TMCO6: variants seen among roughly 807,000 people sequenced by gnomAD.
The protein encoded by TMCO6 is transmembrane and coiled-coil domain-containing protein 6.
In TMCO6, 47 loss-of-function variants were observed where a neutral mutation model predicts 61.8. The ratio of observed to expected loss-of-function variants is 0.76; its 90% confidence interval spans 0.60 to 0.97. The LOEUF is 0.97. TMCO6 is among the 50% of genes least tolerant of loss of function. The pLI is 0.00. For synonymous variants in TMCO6, 261 were observed against 254.2 expected (o/e 1.03, Z -0.25); for missense variants, 557 against 601.6 (o/e 0.93, Z 0.78).
At chr5:140,612,897 A>G in the TMCO6 span, among the ~76,000 whole-genome samples, 2 of 152,234 alleles carry the variant, frequency 1.3e-5, no homozygotes, top group Non-Finnish European at 2.9e-5. Context: ...CTCTTCAATC[A>G]ATCAAATCAG....
rs956292583 is a variant in TMCO6 at position 140,639,562 on chromosome 5, C to A, written c.35C>A (p.Thr12Lys). 7 of 1,548,562 alleles carry A rather than the reference C, an allele frequency of 4.5e-6. No individual in the cohort carries two copies. The South Asian group carries it at 6.0e-5, about 13-fold the overall frequency. The change falls in exon 1 of 12, where the codon ACG becomes AAG. Residue 12 changes from threonine to lysine, a missense_variant. Transcript: ENST00000394671. Reference sequence around the variant, plus strand: ...CGACGGCAGGGCCGCCTCAGGCCCACGGTCTGCGGGGTGGAGGAGCTACGG... The same window carrying A: ...CGACGGCAGGGCCGCCTCAGGCCCAAGGTCTGCGGGGTGGAGGAGCTACGG... The part of the protein sequence containing the change: ...WSRRQGRLRP[T>K]VCGVEELRRR...
chr5:140,599,817 CT>C, the TMCO6 span, among the ~76,000 whole-genome samples: 1 of 152,252 alleles, frequency 6.6e-6, no homozygotes, highest in East Asian at 1.9e-4. Flanking sequence ...AGGAGAATCG[CT>C]GGAACCTGGG....
In TMCO6 at chr5:140,641,886, C is replaced by T. The variant is rs777037877; in HGVS notation, c.331C>T (p.Arg111Trp). The change falls in exon 4 of 12, where the codon CGG becomes TGG. Residue 111 changes from arginine (R) to tryptophan (W), a missense_variant. Arg to Trp is a moderately radical substitution (Grantham distance 101). Transcript: ENST00000394671. The stretch of plus-strand genomic sequence containing the variant: ...CTCACATAGGCTGGAGGGCAGCATG[C>T]GGACCCTGGTCGGGCTCCTGACCAG... ...QTFIRLEGSM[R>W]TLVGLLTSNQ... The T allele has an allele frequency of 1.9e-6, 3 of 1,612,850 alleles. No individual in the cohort carries two copies. The highest frequency in any genetic ancestry group is 1.3e-5 in the African/African-American group (1 of 75,018).
Position 140,645,353 on chromosome 5 carries a change from C to T in TMCO6, c.*255C>T, listed in dbSNP as rs1757334930. ...CCCCCGCCACCCTTCATGTTTGCTT[C>T]AGCAGCTGGTAGCTTTTGATGAGAC... On this transcript the variant is annotated 3_prime_UTR_variant, in exon 12 of 12. Coordinates refer to ENST00000394671, the MANE Select transcript of TMCO6 (RefSeq NM_018502.5). 2 of 756,302 alleles carry T rather than the reference C, an allele frequency of 2.6e-6. No individual in the cohort carries two copies. The highest frequency in any genetic ancestry group is 1.5e-5 in the South Asian group (1 of 67,424). The allele number at this position is 756,302 out of a possible 1,614,324, so 46.8% of individuals were successfully genotyped here. A position where few individuals can be genotyped will look rare whatever the true frequency, so the allele number is the denominator to read the frequency against.
At chr5:140,599,061 G>A in the TMCO6 span, among the ~76,000 whole-genome samples, 27 of 152,192 alleles carry the variant, frequency 1.8e-4, no homozygotes, top group Admixed American at 6.5e-4. Context: ...GCCTTCCAAC[G>A]GGGGAATGTG....
At chr5:140,625,135 A>T in the TMCO6 span, among the ~76,000 whole-genome samples, 1 of 152,172 alleles carries the variant, frequency 6.6e-6, no homozygotes, top group African/African-American at 2.4e-5. Context: ...TACAGGCGTG[A>T]GTCACTGCAC....
rs186700961 is a variant in TMCO6 at position 140,644,687 on chromosome 5, G to A, written c.1315G>A (p.Val439Ile). 202 of 1,614,256 alleles carry A rather than the reference G, an allele frequency of 1.3e-4. No individual in the cohort carries two copies. The East Asian group carries it at 4.4e-3, about 35-fold the overall frequency. Residue 439 changes from valine to isoleucine, a missense_variant, in exon 11 of 12, where the codon GTA (valine) becomes ATA (isoleucine). By Grantham distance (29) the Val-to-Ile change is conservative. Transcript: ENST00000394671. ...LHTLAFSDTEVVGQSLELLHL... is the reference protein window; with the variant it reads ...LHTLAFSDTEIVGQSLELLHL... Reference sequence around the variant, plus strand: ...CACACTAGCCTTTTCTGACACTGAAGTAGTAGGCCAGAGTTTGGAGCTGCT... The same window carrying A: ...CACACTAGCCTTTTCTGACACTGAAATAGTAGGCCAGAGTTTGGAGCTGCT...
the TMCO6 span, among the ~76,000 whole-genome samples, chr5:140,628,931 G>A: frequency 2.8e-3 from 425 of 152,190 alleles, no homozygotes; most frequent in African/African-American, 9.8e-3. Context: ...CTGTACAAAG[G>A]GATGATTCAT....
At chr5:140,601,561 A>G in the TMCO6 span, among the ~76,000 whole-genome samples, 2 of 152,018 alleles carry the variant, frequency 1.3e-5, no homozygotes, top group African/African-American at 4.8e-5. Flanking sequence ...GCCTTATTCC[A>G]TTTATTTTTT....
chr5:140,640,306 C>A (rs561275622), intron 2 of TMCO6, among the ~76,000 whole-genome samples: 1 of 152,294 alleles, frequency 6.6e-6, no homozygotes, highest in South Asian at 2.1e-4. Flanking sequence ...CTTTTTAGTT[C>A]CTGCAACGAT....
Position 140,639,491 on chromosome 5 carries a change from C to T in TMCO6, c.-37C>T, listed in dbSNP as rs1308058086. 1 of 1,541,914 alleles carries T rather than the reference C, an allele frequency of 6.5e-7. No individual in the cohort carries two copies. Among genetic ancestry groups the T allele is most frequent in the Non-Finnish European group, 8.8e-7 (1 of 1,140,088 alleles). On this transcript the variant is annotated 5_prime_UTR_variant, in exon 1 of 12. Coordinates refer to ENST00000394671, the MANE Select transcript of TMCO6 (RefSeq NM_018502.5). The stretch of plus-strand genomic sequence containing the variant: ...TTCTACGCCCCTGGGAGCGTTGTGG[C>T]TGCTGTTTCCTTCGGCTTTCCTCCT...
the TMCO6 span, among the ~76,000 whole-genome samples, chr5:140,628,172 CTA>C: frequency 1.9e-4 from 20 of 103,042 alleles, no homozygotes; most frequent in African/African-American, 8.4e-4. Context: ...CCACACCCAG[CTA>C]TATATATATA....
the TMCO6 span, among the ~76,000 whole-genome samples, chr5:140,623,215 C>T: frequency 6.6e-6 from 1 of 152,354 alleles, no homozygotes; most frequent in Non-Finnish European, 1.5e-5. Context: ...CTTATCTCTC[C>T]TCCTTTCCCA....
downstream of TMCO6, chr5:140,647,302 T>C: frequency 6.3e-7 from 1 of 1,583,542 alleles, no homozygotes; most frequent in Non-Finnish European, 8.6e-7. Context: ...ATTCGCGGAT[T>C]AGGATGGGTA....
At chr5:140,641,815 G>A in intron 3 of TMCO6, 35 bp downstream of exon 3, 3 of 1,614,120 alleles carry the variant, frequency 1.9e-6, no homozygotes, top group Non-Finnish European at 2.5e-6. Flanking sequence ...GGAGGAGTTG[G>A]GGCTCTGAGG....
intron 11 of TMCO6, 30 bp downstream of exon 11, chr5:140,644,770 A>G (rs1174454096): frequency 1.2e-6 from 2 of 1,611,334 alleles, no homozygotes; most frequent in African/African-American, 2.7e-5. Flanking sequence ...ATCCTCAGTC[A>G]CCCCTGTTCT....
chr5:140,621,482 CCTGTCAGCT>C, the TMCO6 span, among the ~76,000 whole-genome samples: 1 of 152,110 alleles, frequency 6.6e-6, no homozygotes, highest in African/African-American at 2.4e-5. Context: ...TAATCTCAAT[CCTGTCAGCT>C]GAGGAGGATG....
At chr5:140,609,318 G>A in the TMCO6 span, 2 of 221,116 alleles carry the variant, frequency 9.0e-6, no homozygotes, top group Non-Finnish European at 1.9e-5. Flanking sequence ...AAAAGGGTGG[G>A]GACACACATC....
downstream of TMCO6, chr5:140,645,566 T>TCCA (rs755350483): frequency 3.7e-6 from 6 of 1,614,030 alleles, no homozygotes; most frequent in African/African-American, 8.0e-5. Context: ...GGGCTGTTGC[T>TCCA]CTTAATCCTC....
Sources: gnomAD v4.1 joint callset for allele counts (sites outside exome capture counted in the v4.1 genomes callset) on GRCh38, gnomAD v4.1.1 for gene constraint, MANE v1.5 for transcripts, NCBI Gene and HGNC (gene_info 2026-07-23, HGNC 2026-07-21) for gene names.